Variants in ARHGAP32 observed in about 807,000 individuals in gnomAD.
ARHGAP32 encodes Rho GTPase activating protein 32.
ARHGAP32 carries 51 observed loss-of-function variants against 186.5 expected under a neutral mutation model. The observed-to-expected ratio is 0.27, with a 90% CI of 0.22 to 0.35. The LOEUF (loss-of-function observed/expected upper bound fraction) is 0.35. Among genes scored for constraint, ARHGAP32 ranks in the 10% least tolerant of loss-of-function variants. The probability of loss-of-function intolerance (pLI) is 1.00; values close to 1 mark genes in which losing one functional copy is unlikely to be tolerated. For synonymous variants in ARHGAP32, 950 were observed against 964.3 expected (o/e 0.99, Z 0.27); for missense variants, 2,186 against 2,623.5 (o/e 0.83, Z 3.64).
At chr11:129,141,836 G>T (rs993396741) in intron 2 of ARHGAP32, among the ~76,000 whole-genome samples, 5 of 151,170 alleles carry the variant, frequency 3.3e-5, no homozygotes, top group Admixed American at 1.3e-4. Flanking sequence ...TTTTACAAGG[G>T]AAAGGGCAAA....
In ARHGAP32 at chr11:128,980,406, T is replaced by A. The variant is rs1945674268; in HGVS notation, c.1976+147A>T. On this transcript the variant is annotated intron_variant, in intron 18 of 22. Transcript: ENST00000682385. ...ATTCCCCATGAAGCGGTAAGTATCA[T>A]CCATATTCGAATAAACAGGTTTCTC... 5 of 559,260 alleles carry A rather than the reference T, an allele frequency of 8.9e-6. No homozygotes were observed. The East Asian group carries it at 1.2e-4, about 14-fold the overall frequency. 34.6% of individuals were successfully genotyped at this position (559,260 alleles called of 1,614,324 possible).
chr11:129,243,908 T>C (rs760478422), intron 1 of ARHGAP32, among the ~76,000 whole-genome samples: 2 of 152,202 alleles, frequency 1.3e-5, no homozygotes, highest in Non-Finnish European at 2.9e-5. Context: ...CATATTGTGA[T>C]CTGGAATTAA....
At chr11:129,201,276 A>G (rs1488638046) in intron 1 of ARHGAP32, among the ~76,000 whole-genome samples, 1 of 152,196 alleles carries the variant, frequency 6.6e-6, no homozygotes, top group Non-Finnish European at 1.5e-5. Context: ...TTATAAGTAT[A>G]CTTTCTGGTA....
intron 6 of ARHGAP32, among the ~76,000 whole-genome samples, chr11:129,076,027 T>C (rs2135198140): frequency 6.6e-6 from 1 of 152,308 alleles, no homozygotes; most frequent in Admixed American, 6.5e-5. Flanking sequence ...AAGATGGTGA[T>C]GAAAGTGACC....
chr11:129,028,395 G>GT (rs1938957145), intron 11 of ARHGAP32, among the ~76,000 whole-genome samples: 1 of 152,172 alleles, frequency 6.6e-6, no homozygotes, highest in Admixed American at 6.5e-5. Flanking sequence ...CTGAATATAG[G>GT]TAAGAAATGG....
At chr11:129,112,244 A>C (rs1942241644) in intron 5 of ARHGAP32, among the ~76,000 whole-genome samples, 1 of 151,970 alleles carries the variant, frequency 6.6e-6, no homozygotes, top group African/African-American at 2.4e-5. Context: ...CTCAAAAAAA[A>C]AAAAAATTTC....
rs1450779971 is a variant in ARHGAP32, at chr11:129,124,878, A to T, written c.242T>A (p.Val81Asp). ...AGTAAGATCTCCAGGAATCTCTGGA[A>T]CATCTGCGCCTCTTGCCTTAAAAAA... is the stretch of plus-strand genomic sequence containing the variant. ...TLSAMARGAD[V>D]PEIPGDLTLK... The change falls in exon 3 of 23, where the codon GTT becomes GAT. Residue 81 changes from valine (V) to aspartate (D), a missense_variant. Physicochemically the swap from Val to Asp is radical, Grantham distance 152. This residue lies in a region of ARHGAP32 where 108 missense variants were observed against 116.8 expected (regional missense o/e 0.92). Coordinates refer to ENST00000682385, the MANE Select transcript of ARHGAP32 (RefSeq NM_001378024.1). 1.2e-6 allele frequency: 2 copies of T among 1,610,360 alleles called. No individual in the cohort carries two copies. Among genetic ancestry groups the T allele is most frequent in the Non-Finnish European group, 1.7e-6 (2 of 1,178,300 alleles).
At chr11:129,193,703 A>ATATATTATATATTATATATTATATAT (rs1565464994), upstream of ARHGAP32, among the ~76,000 whole-genome samples, 8 of 48,382 alleles carry the variant, frequency 1.7e-4, no homozygotes, top group African/African-American at 6.4e-4. Flanking sequence ...ATAATATATA[A>ATATATTATATATTATATATTATATAT]TATATATTAT....
At chr11:129,198,695 G>A (rs1262411895) in intron 1 of ARHGAP32, among the ~76,000 whole-genome samples, 2 of 152,168 alleles carry the variant, frequency 1.3e-5, no homozygotes, top group Admixed American at 1.3e-4. Context: ...CCAGTTTCAT[G>A]TATGTCTTTA....
intron 1 of ARHGAP32, among the ~76,000 whole-genome samples, chr11:129,210,876 T>A (rs1049196395): frequency 2.6e-5 from 4 of 152,218 alleles, no homozygotes; most frequent in Admixed American, 2.6e-4. Flanking sequence ...TGGCCGTGTA[T>A]GTCCAGCTTA....
chr11:129,072,904 T>A (rs1213505223), intron 6 of ARHGAP32, among the ~76,000 whole-genome samples: 1 of 152,168 alleles, frequency 6.6e-6, no homozygotes, highest in Admixed American at 6.5e-5. Context: ...CACAGCCTCA[T>A]TTTCTGGAGT....
chr11:129,208,401 C>G (rs538357607), intron 1 of ARHGAP32, among the ~76,000 whole-genome samples: 1 of 152,218 alleles, frequency 6.6e-6, no homozygotes, highest in South Asian at 2.1e-4. Context: ...ATGTTAGTTC[C>G]AAGTAATGTA....
chr11:128,973,928 G>T (rs1945468436), intron 21 of ARHGAP32, 196 bp downstream of exon 21: 2 of 615,110 alleles, frequency 3.3e-6, no homozygotes, highest in Non-Finnish European at 5.5e-6. Flanking sequence ...TTTGAAGCAG[G>T]ACCATTGGCC....
intron 1 of ARHGAP32, among the ~76,000 whole-genome samples, chr11:129,177,716 G>C (rs1016427026): frequency 2.3e-3 from 352 of 152,174 alleles, no homozygotes; most frequent in African/African-American, 8.3e-3. Flanking sequence ...ATGCAGAAAA[G>C]GCCTTTGACA....
At chr11:129,193,249 A>G (rs1944300616), upstream of ARHGAP32, among the ~76,000 whole-genome samples, 1 of 130,922 alleles carries the variant, frequency 7.6e-6, no homozygotes, top group Non-Finnish European at 1.5e-5. Flanking sequence ...AGGTGGATGC[A>G]TCACTTGAGC....
At chr11:129,272,601 C>T (rs904068344) in intron 1 of ARHGAP32, among the ~76,000 whole-genome samples, 1 of 152,138 alleles carries the variant, frequency 6.6e-6, no homozygotes, top group South Asian at 2.1e-4. Context: ...CCCTGAGGAT[C>T]CTATATACTA....
chr11:129,202,055 CAT>C (rs557100268), intron 1 of ARHGAP32, among the ~76,000 whole-genome samples: 2 of 151,348 alleles, frequency 1.3e-5, no homozygotes, highest in African/African-American at 2.4e-5. Context: ...CACACATATA[CAT>C]ATATATATAC....
intron 11 of ARHGAP32, among the ~76,000 whole-genome samples, chr11:129,036,119 C>CT (rs1939323800): frequency 6.6e-6 from 1 of 152,068 alleles, no homozygotes; most frequent in Admixed American, 6.5e-5. Context: ...TGGCTCACAC[C>CT]TGTAATCCCA....
chr11:129,029,223 C>T (rs1253509686), intron 11 of ARHGAP32, among the ~76,000 whole-genome samples: 1 of 152,122 alleles, frequency 6.6e-6, no homozygotes, highest in Non-Finnish European at 1.5e-5. Context: ...ATTTTATTTA[C>T]TCCTATTGTA....
Sources: allele counts gnomAD v4.1 joint callset (sites outside exome capture counted in the v4.1 genomes callset), GRCh38; gene constraint gnomAD v4.1.1; regional missense constraint gnomAD v4.1.1; transcripts MANE v1.5; gene names NCBI Gene and HGNC (gene_info 2026-07-23, HGNC 2026-07-21).